The following HYDIN variants were observed in gnomAD, a reference collection of about 807,000 sequenced individuals.
The protein encoded by HYDIN is axonemal central pair apparatus protein HYDIN.
HYDIN carries 132 observed loss-of-function variants against 403.9 expected under a neutral mutation model. The observed-to-expected ratio is 0.33, with a 90% confidence interval of 0.28 to 0.38. The LOEUF (loss-of-function observed/expected upper bound fraction) is 0.38, where lower values mean the gene tolerates loss of function less well. Ranked by LOEUF, HYDIN falls within the 10% of genes least tolerant of loss-of-function variation. The pLI is 1.00. For synonymous variants in HYDIN, 1,202 were observed against 1,891.7 expected, an observed-to-expected ratio of 0.64 and a Z score of 9.46; for missense variants, 2,827 against 5,009.5, an observed-to-expected ratio of 0.56 and a Z score of 13.15.
chr16:70,907,743 G>A (rs1231551646), intron 49 of HYDIN, among the ~76,000 whole-genome samples: 3 of 151,984 alleles, frequency 2.0e-5, no homozygotes, highest in African/African-American at 7.2e-5. Context: ...CAGATATTCT[G>A]TCCCAGTGCA....
intron 75 of HYDIN, among the ~76,000 whole-genome samples, chr16:70,847,865 C>G (rs547248946): frequency 1.3e-5 from 2 of 151,792 alleles, no homozygotes; most frequent in Admixed American, 1.3e-4. Flanking sequence ...TTGAAATATT[C>G]TTTCTCTTAT....
intron 41 of HYDIN, among the ~76,000 whole-genome samples, chr16:70,949,451 AG>A (rs2143911496): frequency 6.6e-6 from 1 of 152,262 alleles, no homozygotes; most frequent in Non-Finnish European, 1.5e-5. Context: ...TAAAACTTAA[AG>A]TATAATAATA....
intron 29 of HYDIN, among the ~76,000 whole-genome samples, chr16:70,980,879 G>A (rs1050954488): frequency 6.6e-6 from 1 of 152,184 alleles, no homozygotes. Context: ...AGTCCTGGGG[G>A]CCAGATGTAA....
chr16:70,887,607 G>C (rs368965820), intron 58 of HYDIN, among the ~76,000 whole-genome samples: 5,560 of 151,970 alleles, frequency 0.037, 358 homozygotes, highest in African/African-American at 0.13. Context: ...TTCTAAATTT[G>C]AGGTAATTTG....
In HYDIN at chr16:70,931,791, G is replaced by C. The variant is rs888281699; in HGVS notation, c.7158+4161C>G. ...GCACTTTGGGAGGCCAAGGTGGATG[G>C]ATCACTTGAGGTCAGGAGTTCAAGA... On this transcript the variant is annotated intron_variant, in intron 45 of 85. Transcript: ENST00000393567. Among the ~76,000 whole-genome samples the C allele has an allele frequency of 3.3e-5, 5 of 152,158 alleles. No individual in the cohort carries two copies. The East Asian group carries it at 7.8e-4, about 24-fold the overall frequency.
chr16:71,005,599 T>C (rs920896033), intron 23 of HYDIN, among the ~76,000 whole-genome samples: 5 of 152,206 alleles, frequency 3.3e-5, no homozygotes, highest in Non-Finnish European at 7.4e-5. Flanking sequence ...CTCAGTAATA[T>C]AGTATAATAC....
chr16:71,012,283 C>T (rs1346826898), intron 23 of HYDIN, among the ~76,000 whole-genome samples: 4 of 152,246 alleles, frequency 2.6e-5, no homozygotes, highest in Non-Finnish European at 5.9e-5. Context: ...TCATGAATGG[C>T]CAGCCCCGGC....
intron 80 of HYDIN, among the ~76,000 whole-genome samples, chr16:70,831,650 C>T (rs915219312): frequency 2.9e-5 from 4 of 135,854 alleles, no homozygotes; most frequent in African/African-American, 1.1e-4. Flanking sequence ...GGAGGAGGAA[C>T]GGGTTTATGG....
At chr16:71,153,138 C>CCT (rs1171268244) in intron 6 of HYDIN, among the ~76,000 whole-genome samples, 13,057 of 152,018 alleles carry the variant, frequency 0.086, 1,828 homozygotes, top group African/African-American at 0.3. Context: ...TCCTCAAACA[C>CCT]TGAGATTGCT....
chr16:71,148,309 C>G (rs1046531610), intron 7 of HYDIN, among the ~76,000 whole-genome samples: 3 of 152,168 alleles, frequency 2.0e-5, no homozygotes, highest in Non-Finnish European at 2.9e-5. Flanking sequence ...GAGCACTTCT[C>G]TTCTGAGACT....
At chr16:70,981,701 A>G in intron 28 of HYDIN, 133 bp from the exon 29 acceptor site, 3 of 1,307,144 alleles carry the variant, frequency 2.3e-6, no homozygotes, top group Non-Finnish European at 3.0e-6. Context: ...AAGAGATTTA[A>G]TGAAATGAGT....
intron 10 of HYDIN, 146 bp from the exon 11 acceptor site, chr16:71,094,081 C>G: frequency 1.4e-6 from 1 of 690,962 alleles, no homozygotes; most frequent in Non-Finnish European, 2.2e-6. Context: ...TTAACTAACG[C>G]TGAAGATTCA....
At chr16:71,221,258 GAA>G (rs79657027) in intron 1 of HYDIN, among the ~76,000 whole-genome samples, 10 of 133,326 alleles carry the variant, frequency 7.5e-5, no homozygotes, top group South Asian at 2.3e-4. Context: ...AAGGTATAAA[GAA>G]AAAAAAAAAA....
At chr16:70,909,676 T>C (rs1420725133) in intron 47 of HYDIN, among the ~76,000 whole-genome samples, 1 of 143,682 alleles carries the variant, frequency 7.0e-6, no homozygotes, top group Non-Finnish European at 1.5e-5. Flanking sequence ...TTCCTATTTG[T>C]CTCAGGCATG....
chr16:71,065,122 G>A (rs1214316301), intron 15 of HYDIN, among the ~76,000 whole-genome samples: 3 of 152,212 alleles, frequency 2.0e-5, no homozygotes, highest in Non-Finnish European at 4.4e-5. Flanking sequence ...CCTTCTTTGG[G>A]CAAGGGGTCC....
At chr16:70,908,980 G>T (rs1486355500) in intron 47 of HYDIN, 119 bp from the exon 48 acceptor site, 2 of 1,004,242 alleles carry the variant, frequency 2.0e-6, no homozygotes, top group Non-Finnish European at 2.9e-6. Context: ...AGGAAGGCTA[G>T]AGCAGGGCAG....
chr16:71,133,188 A>G (rs1188615815), intron 8 of HYDIN: 1 of 442,654 alleles, frequency 2.3e-6, no homozygotes, highest in Non-Finnish European at 4.5e-6. Flanking sequence ...TGCCAACTGA[A>G]TGCTGAGGAG....
intron 46 of HYDIN, among the ~76,000 whole-genome samples, chr16:70,919,337 G>GA (rs986285594): frequency 1.2e-4 from 18 of 152,070 alleles, no homozygotes; most frequent in Non-Finnish European, 2.1e-4. Context: ...CATTTCCAGG[G>GA]AAAAAATCAC....
At chr16:71,130,826 C>T (rs1209906834) in intron 8 of HYDIN, among the ~76,000 whole-genome samples, 6 of 152,178 alleles carry the variant, frequency 3.9e-5, no homozygotes, top group Non-Finnish European at 7.4e-5. Flanking sequence ...CATAGGCAAT[C>T]GCCAAGCTGT....
Sources: allele counts gnomAD v4.1 joint callset (sites outside exome capture counted in the v4.1 genomes callset), GRCh38; gene constraint gnomAD v4.1.1; transcripts MANE v1.5; gene names NCBI Gene and HGNC (gene_info 2026-07-23, HGNC 2026-07-21).